The following MGMT variants were observed in gnomAD, a reference collection of about 807,000 sequenced individuals.
MGMT encodes O-6-methylguanine-DNA methyltransferase.
A neutral mutation model predicts 15.9 loss-of-function variants in MGMT; 14 were observed. The ratio of observed to expected loss-of-function variants is 0.88; its 90% CI spans 0.58 to 1.37. The LOEUF is 1.37. MGMT is among the 40% of genes most tolerant of loss of function. The pLI is 0.00. For synonymous variants in MGMT, 130 were observed against 118.2 expected, an observed-to-expected ratio of 1.10 and a Z score of -0.65; for missense variants, 282 against 268.1, an observed-to-expected ratio of 1.05 and a Z score of -0.36.
chr10:129,495,032 GCAAAAC>G (rs1845506610), intron 1 of MGMT, among the ~76,000 whole-genome samples: 1 of 152,186 alleles, frequency 6.6e-6, no homozygotes, highest in African/African-American at 2.4e-5. Context: ...AGCTAGTTTT[GCAAAAC>G]CCATTTAAAT....
At chr10:129,635,998 A>G (rs980250103) in intron 2 of MGMT, among the ~76,000 whole-genome samples, 2 of 152,252 alleles carry the variant, frequency 1.3e-5, no homozygotes, top group Non-Finnish European at 2.9e-5. Context: ...TTAGTTTAAA[A>G]TATGCATGCT....
chr10:129,518,243 G>T (rs1471495686), intron 1 of MGMT, among the ~76,000 whole-genome samples: 2 of 151,344 alleles, frequency 1.3e-5, no homozygotes, highest in African/African-American at 4.9e-5. Flanking sequence ...CATTTCACTT[G>T]GTTTACTTCC....
intron 2 of MGMT, among the ~76,000 whole-genome samples, chr10:129,595,816 G>A (rs1041394072): frequency 6.6e-5 from 10 of 152,086 alleles, no homozygotes; most frequent in African/African-American, 2.4e-4. Context: ...GTCACGAGCC[G>A]TCGGGGAGTT....
chr10:129,663,516 G>A (rs1375694901), intron 2 of MGMT, among the ~76,000 whole-genome samples: 1 of 151,864 alleles, frequency 6.6e-6, no homozygotes, highest in Non-Finnish European at 1.5e-5. Flanking sequence ...GAAGGAAAAA[G>A]CATTTATTTA....
chr10:129,494,856 C>G (rs958837659), intron 1 of MGMT, among the ~76,000 whole-genome samples: 2 of 152,198 alleles, frequency 1.3e-5, no homozygotes, highest in Non-Finnish European at 2.9e-5. Flanking sequence ...CACGACTGCT[C>G]TGAGTACCAG....
intron 2 of MGMT, among the ~76,000 whole-genome samples, chr10:129,646,753 TA>T (rs200295119): frequency 1.0e-4 from 11 of 105,454 alleles, no homozygotes; most frequent in East Asian, 4.7e-4. Context: ...TATATATATA[TA>T]TTTTCAGGGA....
intron 2 of MGMT, among the ~76,000 whole-genome samples, chr10:129,666,832 T>G (rs1283394753): frequency 6.6e-6 from 1 of 152,222 alleles, no homozygotes; most frequent in African/African-American, 2.4e-5. Context: ...AGTTTTTGTT[T>G]CTAATGTTTG....
At chr10:129,615,601 G>A (rs1254007104) in intron 2 of MGMT, among the ~76,000 whole-genome samples, 8 of 152,240 alleles carry the variant, frequency 5.3e-5, no homozygotes, top group Non-Finnish European at 8.8e-5. Context: ...CAGTGCAGGC[G>A]GTGTCCACAT....
chr10:129,478,256 G>A (rs368077580), intron 1 of MGMT, among the ~76,000 whole-genome samples: 3 of 152,006 alleles, frequency 2.0e-5, no homozygotes, highest in South Asian at 2.1e-4. Flanking sequence ...CTCCAGATTG[G>A]TCAGTATACA....
intron 2 of MGMT, among the ~76,000 whole-genome samples, chr10:129,579,085 A>G (rs1279068758): frequency 6.6e-6 from 1 of 152,160 alleles, no homozygotes; most frequent in African/African-American, 2.4e-5. Flanking sequence ...ATATTGACCT[A>G]ACAGATTAGG....
chr10:129,764,068 T>G (rs1004063071), intron 4 of MGMT, among the ~76,000 whole-genome samples: 6 of 152,188 alleles, frequency 3.9e-5, no homozygotes, highest in Non-Finnish European at 8.8e-5. Context: ...GCACCGGCTG[T>G]CACCCCACAA....
chr10:129,702,778 T>G (rs1409065966), intron 2 of MGMT, among the ~76,000 whole-genome samples: 1 of 152,016 alleles, frequency 6.6e-6, no homozygotes, highest in Non-Finnish European at 1.5e-5. Context: ...GGCATTTCAG[T>G]GGTGGGTGAG....
At chr10:129,703,694 G>A (rs934920985) in intron 2 of MGMT, among the ~76,000 whole-genome samples, 24 of 151,992 alleles carry the variant, frequency 1.6e-4, no homozygotes, top group Admixed American at 1.4e-3. Flanking sequence ...CCTTTGCTTC[G>A]GAGCCCAAAT....
At chr10:129,521,950 C>T (rs578074546) in intron 1 of MGMT, among the ~76,000 whole-genome samples, 9 of 152,312 alleles carry the variant, frequency 5.9e-5, no homozygotes, top group Middle Eastern at 3.4e-3. Flanking sequence ...GGAAGCGTGC[C>T]GGTGCAGGGC....
chr10:129,567,406 A>C (rs1300490550), intron 2 of MGMT, among the ~76,000 whole-genome samples: 7 of 152,076 alleles, frequency 4.6e-5, no homozygotes, highest in African/African-American at 1.7e-4. Context: ...GGTGCTGGAG[A>C]GCTGTGGGTA....
intron 2 of MGMT, among the ~76,000 whole-genome samples, chr10:129,705,062 G>T (rs1848144757): frequency 6.6e-6 from 1 of 152,222 alleles, no homozygotes; most frequent in South Asian, 2.1e-4. Flanking sequence ...GTGCAGTTCT[G>T]TGCCTCTCCT....
At chr10:129,655,513 G>A (rs1184799222) in intron 2 of MGMT, among the ~76,000 whole-genome samples, 4 of 152,150 alleles carry the variant, frequency 2.6e-5, no homozygotes, top group Non-Finnish European at 5.9e-5. Context: ...AGTTTTAAAC[G>A]TCCAGACCTT....
chr10:129,619,592 C>T (rs542234492), intron 2 of MGMT, among the ~76,000 whole-genome samples: 2 of 152,132 alleles, frequency 1.3e-5, no homozygotes, highest in Admixed American at 1.3e-4. Context: ...TGTTTAAAAA[C>T]ATCTGGGCCT....
At chr10:129,680,362 C>T (rs1847836120) in intron 2 of MGMT, among the ~76,000 whole-genome samples, 1 of 152,152 alleles carries the variant, frequency 6.6e-6, no homozygotes, top group Non-Finnish European at 1.5e-5. Flanking sequence ...TGTAATAAAG[C>T]CCCCTTTCCA....
Sources: allele counts gnomAD v4.1 joint callset (sites outside exome capture counted in the v4.1 genomes callset), GRCh38; gene constraint gnomAD v4.1.1; transcripts MANE v1.5; gene names NCBI Gene and HGNC (gene_info 2026-07-23, HGNC 2026-07-21).